The following TRDN variants were observed in gnomAD, a reference collection of about 807,000 sequenced individuals.
The protein encoded by TRDN is triadin in skeletal muscle.
TRDN carries 161 observed loss-of-function variants against 149.7 expected under a neutral mutation model. The observed-to-expected ratio is 1.08, with a 90% CI of 0.95 to 1.23. The LOEUF is 1.23. TRDN is among the 50% of genes most tolerant of loss of function. TRDN has a pLI of 0.00. For synonymous variants in TRDN, 294 were observed against 250.5 expected, an observed-to-expected ratio of 1.17 and a Z score of -1.64; for missense variants, 896 against 823.5, an observed-to-expected ratio of 1.09 and a Z score of -1.08.
intron 7 of TRDN, among the ~76,000 whole-genome samples, chr6:123,511,282 T>C (rs908283858): frequency 3.3e-5 from 5 of 152,134 alleles, no homozygotes; most frequent in African/African-American, 1.2e-4. Flanking sequence ...ATAGAATGAC[T>C]ATAGTTAACA....
At chr6:123,424,068 G>GA (rs917567660) in intron 12 of TRDN, among the ~76,000 whole-genome samples, 5 of 152,130 alleles carry the variant, frequency 3.3e-5, no homozygotes, top group African/African-American at 9.6e-5. Context: ...AATGCCAGAG[G>GA]AAAATTATAA....
chr6:123,270,319 C>T (rs1420164341), intron 30 of TRDN, among the ~76,000 whole-genome samples: 2 of 151,902 alleles, frequency 1.3e-5, no homozygotes, highest in African/African-American at 4.8e-5. Flanking sequence ...ATAAACTAGT[C>T]TATAATTTCT....
intron 1 of TRDN, among the ~76,000 whole-genome samples, chr6:123,628,590 T>A (rs533793510): frequency 6.6e-6 from 1 of 152,324 alleles, no homozygotes; most frequent in African/African-American, 2.4e-5. Context: ...GTGATAGCTT[T>A]ATTCATTTTC....
intron 38 of TRDN, among the ~76,000 whole-genome samples, chr6:123,228,636 G>C (rs985046383): frequency 6.6e-6 from 1 of 151,938 alleles, no homozygotes; most frequent in Non-Finnish European, 1.5e-5. Flanking sequence ...CCCACAACAT[G>C]TGGGGATATG....
chr6:123,633,046 G>A (rs998232896), intron 1 of TRDN, among the ~76,000 whole-genome samples: 1 of 152,040 alleles, frequency 6.6e-6, no homozygotes, highest in South Asian at 2.1e-4. Flanking sequence ...TCCACACATA[G>A]TGCAATAATT....
At chr6:123,483,735 C>T (rs1473138586) in intron 9 of TRDN, among the ~76,000 whole-genome samples, 1 of 152,090 alleles carries the variant, frequency 6.6e-6, no homozygotes, top group East Asian at 1.9e-4. Flanking sequence ...ATTGTTATCT[C>T]CTTCTGGTTT....
intron 1 of TRDN, among the ~76,000 whole-genome samples, chr6:123,607,760 T>G (rs575661229): frequency 1.3e-5 from 2 of 152,332 alleles, no homozygotes; most frequent in South Asian, 4.1e-4. Context: ...TTTCCTTTAC[T>G]GTTAAGCTAT....
intron 1 of TRDN, among the ~76,000 whole-genome samples, chr6:123,579,374 C>T (rs1290867415): frequency 6.6e-6 from 1 of 152,030 alleles, no homozygotes; most frequent in Non-Finnish European, 1.5e-5. Flanking sequence ...TTATCAGAAC[C>T]TTTTTCTTCA....
chr6:123,359,343 G>A (rs1250547823), intron 20 of TRDN, among the ~76,000 whole-genome samples: 1 of 152,202 alleles, frequency 6.6e-6, no homozygotes, highest in African/African-American at 2.4e-5. Flanking sequence ...ATAGGAGCCA[G>A]TTCTTGGGGC....
chr6:123,505,024 T>C (rs1362570334), intron 7 of TRDN, among the ~76,000 whole-genome samples: 1 of 151,744 alleles, frequency 6.6e-6, no homozygotes, highest in African/African-American at 2.4e-5. Flanking sequence ...GGCGGGCGGG[T>C]CATGAGGTCA....
chr6:123,546,918 A>T (rs982148628), intron 4 of TRDN, among the ~76,000 whole-genome samples: 1 of 152,078 alleles, frequency 6.6e-6, no homozygotes, highest in African/African-American at 2.4e-5. Flanking sequence ...CCTGGCCCAT[A>T]GTCATCACCT....
At chr6:123,526,389 T>C (rs1433453558) in intron 5 of TRDN, among the ~76,000 whole-genome samples, 1 of 151,964 alleles carries the variant, frequency 6.6e-6, no homozygotes, top group Non-Finnish European at 1.5e-5. Flanking sequence ...TTCTAGATCC[T>C]ATGGCTATGA....
chr6:123,381,596 T>C (rs1179109193), intron 15 of TRDN, among the ~76,000 whole-genome samples: 1 of 152,032 alleles, frequency 6.6e-6, no homozygotes, highest in Non-Finnish European at 1.5e-5. Flanking sequence ...GCAAATATTA[T>C]TTGACAATAA....
chr6:123,274,872 CA>C (rs957712177), intron 26 of TRDN, among the ~76,000 whole-genome samples: 7 of 150,348 alleles, frequency 4.7e-5, no homozygotes, highest in South Asian at 2.1e-4. Flanking sequence ...GACTCCGTTT[CA>C]AAAAAAAACC....
intron 1 of TRDN, among the ~76,000 whole-genome samples, chr6:123,583,307 TG>T (rs1273489397): frequency 2.0e-5 from 3 of 151,932 alleles, no homozygotes; most frequent in Non-Finnish European, 2.9e-5. Context: ...GACAAGTTTT[TG>T]GGGGGCACAG....
At chr6:123,489,822 G>A (rs545874817) in intron 9 of TRDN, among the ~76,000 whole-genome samples, 69 of 152,070 alleles carry the variant, frequency 4.5e-4, no homozygotes, top group African/African-American at 1.5e-3. Flanking sequence ...ATTGTTTATA[G>A]TGTTGACTGA....
At chr6:123,405,577 C>T (rs1174591658) in intron 12 of TRDN, among the ~76,000 whole-genome samples, 1 of 152,118 alleles carries the variant, frequency 6.6e-6, no homozygotes, top group East Asian at 1.9e-4. Context: ...CAGAGGCAAA[C>T]ACAATTGGTT....
At chr6:123,388,623 T>A in intron 13 of TRDN, 72 bp from the exon 14 acceptor site, 1 of 1,502,598 alleles carries the variant, frequency 6.7e-7, no homozygotes, top group Non-Finnish European at 9.1e-7. Context: ...AATATGAGAA[T>A]GTATTCCACA....
chr6:123,275,101 G>A (rs1323810226), intron 26 of TRDN, among the ~76,000 whole-genome samples: 1 of 151,872 alleles, frequency 6.6e-6, no homozygotes, highest in Non-Finnish European at 1.5e-5. Flanking sequence ...GATCTAATTG[G>A]GTACTTACGT....
Sources: allele counts gnomAD v4.1 joint callset (sites outside exome capture counted in the v4.1 genomes callset), GRCh38; gene constraint gnomAD v4.1.1; transcripts MANE v1.5; gene names NCBI Gene and HGNC (gene_info 2026-07-23, HGNC 2026-07-21).